The following VPS13B variants were observed in gnomAD, a reference collection of about 807,000 sequenced individuals.
VPS13B encodes intermembrane lipid transfer protein VPS13B.
Under a neutral mutation model 426.4 loss-of-function variants are expected in VPS13B, and 285 were observed. That is an observed-to-expected ratio of 0.67 (90% CI 0.61 to 0.74). VPS13B has a LOEUF of 0.74. VPS13B is among the 30% of genes least tolerant of loss of function. The pLI is 0.00. For missense variants in VPS13B, 4,537 were observed against 4,782.6 expected (o/e 0.95, Z 1.51); for synonymous variants, 1,676 against 1,676.4 (o/e 1.00, Z 0.01).
intron 39 of VPS13B, among the ~76,000 whole-genome samples, chr8:99,728,733 C>T (rs1411106944): frequency 6.6e-6 from 1 of 152,168 alleles, no homozygotes; most frequent in African/African-American, 2.4e-5. Flanking sequence ...ATGTCGACTA[C>T]AGTTCTTTAG....
Position 99,819,396 on chromosome 8 carries a change from T to C in VPS13B, c.8622-16T>C. On this transcript the variant is annotated splice_polypyrimidine_tract_variant and intron_variant, in intron 47 of 61. Coordinates refer to ENST00000357162, the MANE Select transcript of VPS13B (RefSeq NM_152564.5). ...AAATCTGATAATTATTCTTGGTTTT[T>C]ATTTCAATTTCCTAGAGAAGAATAT... 6.2e-7 allele frequency: 1 copy of C among 1,613,324 alleles called. No individual in the cohort carries two copies. Among genetic ancestry groups the C allele is most frequent in the Non-Finnish European group, 8.5e-7 (1 of 1,179,434 alleles).
Position 99,854,215 on chromosome 8 carries a change from C to G in VPS13B, c.10826C>G (p.Ala3609Gly). The G allele has an allele frequency of 6.2e-7, 1 of 1,614,136 alleles. No individual in the cohort carries two copies. The highest frequency in any genetic ancestry group is 8.5e-7 in the Non-Finnish European group (1 of 1,180,034). Reference protein sequence around the residue: ...IFTTARQLVHALAMHYAAGAL... With the variant: ...IFTTARQLVHGLAMHYAAGAL... ...ACCACTGCGAGGCAGCTTGTGCACG[C>G]CCTGGCAATGCACTATGCCGCTGGG... The change falls in exon 56 of 62, where the codon GCC becomes GGC. Residue 3609 changes from alanine (A) to glycine (G), a missense_variant. Transcript: ENST00000357162.
intron 55 of VPS13B, among the ~76,000 whole-genome samples, chr8:99,849,462 A>G (rs1816148967): frequency 6.6e-6 from 1 of 152,252 alleles, no homozygotes; most frequent in South Asian, 2.1e-4. Context: ...GAGGAAATAT[A>G]AGTAATCAAA....
chr8:99,243,315 A>T (rs1162443639), intron 17 of VPS13B, among the ~76,000 whole-genome samples: 1 of 152,220 alleles, frequency 6.6e-6, no homozygotes, highest in Non-Finnish European at 1.5e-5. Context: ...GTATGTTATT[A>T]GGCTAGTTTC....
At chr8:99,013,717 C>A in intron 1 of VPS13B, 43 bp from the exon 2 acceptor site, 1 of 1,591,062 alleles carries the variant, frequency 6.3e-7, no homozygotes, top group Admixed American at 1.7e-5. Flanking sequence ...CTCTTTCCTT[C>A]ACTCTACCGC....
chr8:99,485,326 A>G (rs973250931), intron 25 of VPS13B, among the ~76,000 whole-genome samples: 11 of 152,220 alleles, frequency 7.2e-5, no homozygotes, highest in African/African-American at 2.2e-4. Flanking sequence ...TTTCAGTGTA[A>G]CAATGTTATT....
At chr8:99,473,400 ACAAAG>A (rs1050024946) in intron 24 of VPS13B, among the ~76,000 whole-genome samples, 2 of 152,108 alleles carry the variant, frequency 1.3e-5, no homozygotes, top group African/African-American at 4.8e-5. Flanking sequence ...TAATAACAAA[ACAAAG>A]GAGAAAAATC....
At chr8:99,635,662 CT>C (rs1829038139) in intron 33 of VPS13B, among the ~76,000 whole-genome samples, 1 of 151,908 alleles carries the variant, frequency 6.6e-6, no homozygotes, top group South Asian at 2.1e-4. Context: ...ACAGGTTTTT[CT>C]TTAAAATTTT....
rs555108452 is a variant in VPS13B, at chr8:99,828,394, G to GTTTTTTTTTTTTTTTTTTT, written c.9331-3953_9331-3935dup. Among the ~76,000 whole-genome samples, 127 of 17,442 alleles carry GTTTTTTTTTTTTTTTTTTT rather than the reference G, an allele frequency of 7.3e-3. 39 individuals are homozygous for GTTTTTTTTTTTTTTTTTTT. Among genetic ancestry groups the GTTTTTTTTTTTTTTTTTTT allele is most frequent in the Middle Eastern group, 0.056 (2 of 36 alleles). 11.4% of individuals were successfully genotyped at this position (17,442 alleles called of 152,430 possible). ...ATCAGAGACTAGGATTACAACCACC[G>GTTTTTTTTTTTTTTTTTTT]TTTTTTTTTTTTTTTTTTTTTTTTT... On this transcript the variant is annotated intron_variant, in intron 51 of 61. Transcript: ENST00000357162.
At chr8:99,705,589 G>T (rs765666434) in intron 36 of VPS13B, among the ~76,000 whole-genome samples, 8 of 152,206 alleles carry the variant, frequency 5.3e-5, no homozygotes, top group Non-Finnish European at 1.0e-4. Flanking sequence ...GGTATGTGCT[G>T]CTCAGCCGTG....
chr8:99,115,861 A>G lies in VPS13B; in HGVS notation c.924A>G (p.Leu308=). Reference sequence around the variant, plus strand: ...TTACTTGTCATAATAAAGATATGCTAGGAAACATTACAGGTAATGTAAAAC... The same window carrying G: ...TTACTTGTCATAATAAAGATATGCTGGGAAACATTACAGGTAATGTAAAAC... ...EDLTCHNKDM[L]GNITGSEDET... The change falls in exon 7 of 62, where the codon CTA becomes CTG. Residue 308 remains leucine (L), a synonymous_variant. Transcript: ENST00000357162. 6.2e-7 allele frequency: 1 copy of G among 1,613,064 alleles called. No homozygotes were observed. Among genetic ancestry groups the G allele is most frequent in the Non-Finnish European group, 8.5e-7 (1 of 1,179,640 alleles).
At position 99,826,668 on chromosome 8, in the gene VPS13B, C is replaced by T. The variant is rs544882809; in HGVS notation, c.9330+2690C>T. Among the ~76,000 whole-genome samples, 68 of 152,292 alleles carry T rather than the reference C, an allele frequency of 4.5e-4. 2 individuals are homozygous for T. The highest frequency in any genetic ancestry group is 2.7e-3 in the South Asian group (13 of 4,826). ...GTGATGGTTTTCAAAGGGAACGCTT[C>T]CAGCTTTTGCCCATTCAGTATGATA... is the stretch of plus-strand genomic sequence containing the variant. On this transcript the variant is annotated intron_variant, in intron 51 of 61. Coordinates refer to ENST00000357162, the MANE Select transcript of VPS13B (RefSeq NM_152564.5).
At chr8:99,467,068 A>C (rs1251310248) in intron 23 of VPS13B, among the ~76,000 whole-genome samples, 3 of 152,156 alleles carry the variant, frequency 2.0e-5, no homozygotes, top group Non-Finnish European at 2.9e-5. Context: ...GATCACATTT[A>C]TGTAATGTGA....
chr8:99,281,768 G>A (rs570339177), intron 19 of VPS13B, among the ~76,000 whole-genome samples: 5 of 152,252 alleles, frequency 3.3e-5, no homozygotes, highest in East Asian at 3.9e-4. Flanking sequence ...GAACAATGTC[G>A]TTTCTTGGTT....
intron 3 of VPS13B, among the ~76,000 whole-genome samples, chr8:99,082,140 T>C (rs907774940): frequency 7.2e-5 from 11 of 152,228 alleles, no homozygotes; most frequent in Non-Finnish European, 1.5e-4. Context: ...CCTGACTTTT[T>C]AATGAGTGCC....
chr8:99,717,124 T>C, intron 36 of VPS13B, 47 bp from the exon 37 acceptor site: 1 of 1,533,216 alleles, frequency 6.5e-7, no homozygotes, highest in Non-Finnish European at 9.0e-7. Flanking sequence ...CCCAAACATT[T>C]TTTTTGATAA....
intron 15 of VPS13B, among the ~76,000 whole-genome samples, chr8:99,158,305 C>T (rs373128359): frequency 5.9e-5 from 9 of 152,232 alleles, no homozygotes; most frequent in Non-Finnish European, 1.2e-4. Flanking sequence ...GAGGCTGAGG[C>T]GGGTGGATCA....
intron 8 of VPS13B, among the ~76,000 whole-genome samples, chr8:99,124,103 G>A (rs763557365): frequency 6.6e-6 from 1 of 152,164 alleles, no homozygotes; most frequent in Non-Finnish European, 1.5e-5. Flanking sequence ...AATAGCAAGG[G>A]AAGCTGAGAA....
chr8:99,575,896 A>G, intron 32 of VPS13B, 112 bp downstream of exon 32: 1 of 1,035,494 alleles, frequency 9.7e-7, no homozygotes, highest in Non-Finnish European at 1.4e-6. Flanking sequence ...GCTCATTAAT[A>G]ATAATGGCTA....
Sources: allele counts gnomAD v4.1 joint callset (sites outside exome capture counted in the v4.1 genomes callset), GRCh38; gene constraint gnomAD v4.1.1; transcripts MANE v1.5; gene names NCBI Gene and HGNC (gene_info 2026-07-23, HGNC 2026-07-21).